CD82: variants seen among roughly 807,000 people sequenced by gnomAD.
The protein encoded by CD82 is CD82 antigen.
In CD82, 36 loss-of-function variants were observed where a neutral mutation model predicts 37.4. That is an observed-to-expected ratio of 0.96 (90% CI 0.74 to 1.27). The LOEUF (loss-of-function observed/expected upper bound fraction) is 1.27, where lower values mean the gene tolerates loss of function less well. Ranked by LOEUF, CD82 falls within the 50% of genes most tolerant of loss-of-function variation. The pLI, the probability that CD82 is intolerant of heterozygous loss-of-function variation, is 0.00. For synonymous variants in CD82, 158 were observed against 137.4 expected (o/e 1.15, Z -1.05); for missense variants, 340 against 347.0 (o/e 0.98, Z 0.16).
chr11:44,577,664 T>C (rs1590328385), intron 1 of CD82, among the ~76,000 whole-genome samples: 2 of 152,270 alleles, frequency 1.3e-5, no homozygotes, highest in East Asian at 1.9e-4. Flanking sequence ...CGTCGAAAAG[T>C]AAGGAAGCTA....
chr11:44,606,873 T>G (rs1853405167), intron 6 of CD82: 1 of 152,320 alleles, frequency 6.6e-6, no homozygotes, highest in South Asian at 2.1e-4. Flanking sequence ...GTTGACCACG[T>G]TACACTCCTC....
rs141597594 is a variant in CD82, at chr11:44,618,302, C to T, written c.579C>T (p.Cys193=). The change falls in exon 8 of 10, where the codon TGC becomes TGT. Residue 193 remains cysteine, a synonymous_variant. Coordinates refer to ENST00000227155, the MANE Select transcript of CD82 (RefSeq NM_002231.4). ...DNSLSVRKGF[C]EAPGNRTQSG... Reference sequence around the variant, plus strand: ...GCCTTTCTGTGAGGAAGGGCTTCTGCGAGGCCCCCGGCAACAGGACCCAGA... The same window carrying T: ...GCCTTTCTGTGAGGAAGGGCTTCTGTGAGGCCCCCGGCAACAGGACCCAGA... The T allele has an allele frequency of 2.4e-3, 3,882 of 1,613,866 alleles. 7 individuals are homozygous for T. The highest frequency in any genetic ancestry group is 2.8e-3 in the Non-Finnish European group (3,276 of 1,180,010).
chr11:44,619,753 G>T lies in CD82; in HGVS notation c.*627G>T, dbSNP rs1853634303. 9.7e-6 allele frequency: 1 copy of T among 103,122 alleles called. No individual in the cohort carries two copies. The highest frequency in any genetic ancestry group is 1.8e-5 in the Non-Finnish European group (1 of 56,678). The allele number at this position is 103,122 out of a possible 1,614,324, so 6.4% of individuals were successfully genotyped here. ...CACTCCAGCCTGGGGGACAGAAAGA[G>T]ACTCCGTCTCAAAAAAAAAAAAAAA... On this transcript the variant is annotated 3_prime_UTR_variant, in exon 10 of 10. Coordinates refer to ENST00000227155, the MANE Select transcript of CD82 (RefSeq NM_002231.4).
chr11:44,607,847 G>A (rs1208267189), intron 6 of CD82, among the ~76,000 whole-genome samples: 3 of 152,134 alleles, frequency 2.0e-5, no homozygotes, highest in African/African-American at 7.2e-5. Context: ...CTGCTTGGCT[G>A]ATAATGAGGA....
At chr11:44,608,619 C>T (rs1853433946) in intron 6 of CD82, among the ~76,000 whole-genome samples, 2 of 152,262 alleles carry the variant, frequency 1.3e-5, no homozygotes, top group Admixed American at 1.3e-4. Context: ...CCCACTGTCC[C>T]TTCTCTGCAA....
At chr11:44,574,644 A>G (rs948291973) in intron 1 of CD82, among the ~76,000 whole-genome samples, 29 of 152,190 alleles carry the variant, frequency 1.9e-4, no homozygotes, top group African/African-American at 7.0e-4. Context: ...GGCGGTAAAG[A>G]ACAGACCTGC....
In CD82 at chr11:44,590,610, CAAAA is replaced by C. The variant is rs56665683; in HGVS notation, c.-21+3071_-21+3074del. 2.0e-3 allele frequency among the ~76,000 whole-genome samples: 67 copies of C among 33,460 alleles called. 5 individuals are homozygous for C. The highest frequency in any genetic ancestry group is 6.2e-3 in the African/African-American group (59 of 9,590). The allele number at this position is 33,460 out of a possible 152,430, so 22.0% of individuals were successfully genotyped here. ...TGGGCAACAGAGGGAGATTCTGTCT[CAAAA>C]AAAAAAAAAAAAAAAAGATGAAATC... On this transcript the variant is annotated intron_variant, in intron 2 of 9. Coordinates refer to ENST00000227155, the MANE Select transcript of CD82 (RefSeq NM_002231.4).
chr11:44,617,634 C>T (rs1215424570), intron 7 of CD82, among the ~76,000 whole-genome samples: 2 of 151,516 alleles, frequency 1.3e-5, no homozygotes, highest in Non-Finnish European at 2.9e-5. Context: ...TTCCTTTTCA[C>T]CAGGAAGCTC....
intron 6 of CD82, chr11:44,608,001 C>T (rs1853423375): frequency 6.6e-6 from 1 of 152,256 alleles, no homozygotes; most frequent in African/African-American, 2.4e-5. Context: ...CCCAGCCTGC[C>T]TCACCTTAGT....
At chr11:44,608,980 T>C (rs1346166253) in intron 6 of CD82, among the ~76,000 whole-genome samples, 1 of 151,660 alleles carries the variant, frequency 6.6e-6, no homozygotes, top group Non-Finnish European at 1.5e-5. Context: ...GTGTTTATTA[T>C]TATTGCCGCC....
intron 4 of CD82, among the ~76,000 whole-genome samples, chr11:44,604,220 C>T (rs1853355087): frequency 6.6e-6 from 1 of 152,230 alleles, no homozygotes; most frequent in African/African-American, 2.4e-5. Flanking sequence ...CACTCTTCTG[C>T]ATCCCCAGCA....
chr11:44,566,706 T>C (rs80226633), intron 1 of CD82, among the ~76,000 whole-genome samples: 7,365 of 152,214 alleles, frequency 0.048, 214 homozygotes, highest in African/African-American at 0.068. Flanking sequence ...CTTAGCAAGG[T>C]GCCAGGAAAC....
intron 1 of CD82, among the ~76,000 whole-genome samples, chr11:44,575,117 G>C (rs373533592): frequency 6.6e-6 from 1 of 152,324 alleles, no homozygotes; most frequent in Non-Finnish European, 1.5e-5. Flanking sequence ...TGGTGGGGGA[G>C]CGTTCTGTCT....
chr11:44,609,544 T>C (rs951063061), intron 6 of CD82, among the ~76,000 whole-genome samples: 1 of 152,104 alleles, frequency 6.6e-6, no homozygotes, highest in Non-Finnish European at 1.5e-5. Flanking sequence ...CCCAGAGATG[T>C]TGGTCAGGGG....
Position 44,619,115 on chromosome 11 carries a change from C to T in CD82, c.793C>T (p.Pro265Ser), listed in dbSNP as rs147912305. Residue 265 changes from proline to serine, a missense_variant, in exon 10 of 10, where the codon CCC becomes TCC. Transcript: ENST00000227155. ...HVHSEDYSKV[P>S]KY ...CCATTCCGAAGACTACAGCAAGGTC[C>T]CCAAGTACTGAGGCAGCTGCTATCC... 90 of 1,613,446 alleles carry T rather than the reference C, an allele frequency of 5.6e-5. No individual in the cohort carries two copies. In the African/African-American group the frequency reaches 1.1e-3, roughly 20 times the overall value.
chr11:44,570,363 C>T (rs1043139915), intron 1 of CD82, among the ~76,000 whole-genome samples: 1 of 152,230 alleles, frequency 6.6e-6, no homozygotes, highest in Non-Finnish European at 1.5e-5. Context: ...CTCTTTGATC[C>T]TGCCACTTTG....
chr11:44,617,610 ACTTTTCACTTTTTTTC>A (rs1180982583), intron 7 of CD82, among the ~76,000 whole-genome samples: 1 of 148,280 alleles, frequency 6.7e-6, no homozygotes, highest in Non-Finnish European at 1.5e-5. Context: ...CTCCTTTTTC[ACTTTTCACTTTTTTTC>A]CTTTTCACCA....
rs1214207817 is a variant in CD82, at chr11:44,593,084, A to G, written c.-20-1559A>G. The stretch of plus-strand genomic sequence containing the variant: ...CCTTGGGAGGTCATGAACCCTCCTC[A>G]TTAGCCACCTTCCCCATCACCGGAG... On this transcript the variant is annotated intron_variant, in intron 2 of 9. Coordinates refer to ENST00000227155, the MANE Select transcript of CD82 (RefSeq NM_002231.4). 2.0e-5 allele frequency among the ~76,000 whole-genome samples: 3 copies of G among 152,228 alleles called. No homozygotes were observed. The East Asian group carries it at 5.8e-4, about 29-fold the overall frequency.
intron 2 of CD82, among the ~76,000 whole-genome samples, chr11:44,592,164 C>T (rs374121919): frequency 5.9e-5 from 9 of 152,154 alleles, no homozygotes; most frequent in South Asian, 2.1e-4. Context: ...AATGCCCCAC[C>T]GTGAGGCTGA....
Sources: gnomAD v4.1 joint callset for allele counts (sites outside exome capture counted in the v4.1 genomes callset) on GRCh38, gnomAD v4.1.1 for gene constraint, MANE v1.5 for transcripts, NCBI Gene and HGNC (gene_info 2026-07-23, HGNC 2026-07-21) for gene names.